OAS3: variants seen among roughly 807,000 people sequenced by gnomAD.
OAS3 encodes 2'-5'-oligoadenylate synthase 3.
Under a neutral mutation model 113.0 loss-of-function variants are expected in OAS3, and 107 were observed. That is an observed-to-expected ratio of 0.95 (90% confidence interval 0.81 to 1.11). The LOEUF is 1.11. OAS3 is among the 50% of genes most tolerant of loss of function. The probability of loss-of-function intolerance (pLI) is 0.00; values close to 1 mark genes in which losing one functional copy is unlikely to be tolerated. For missense variants in OAS3, 1,258 were observed against 1,389.1 expected (o/e 0.91, Z 1.50); for synonymous variants, 552 against 573.6 (o/e 0.96, Z 0.54).
At chr12:112,942,690 CTGAG>C (rs1281173704) in intron 2 of OAS3, among the ~76,000 whole-genome samples, 1 of 150,116 alleles carries the variant, frequency 6.7e-6, no homozygotes, top group African/African-American at 2.5e-5. Flanking sequence ...TACAATCTGT[CTGAG>C]TAAGACTCTT....
chr12:112,958,754 T>G (rs1233294236), intron 7 of OAS3, among the ~76,000 whole-genome samples: 2 of 152,386 alleles, frequency 1.3e-5, no homozygotes, highest in Admixed American at 1.3e-4. Flanking sequence ...AGTCGGCCCC[T>G]ACGGGGAAGT....
Position 112,941,729 on chromosome 12 carries a change from G to A in OAS3, c.337G>A (p.Val113Ile), listed in dbSNP as rs751675566. The change falls in exon 2 of 16, where the codon GTC (valine) becomes ATC (isoleucine). Residue 113 changes from valine to isoleucine, a missense_variant. By Grantham distance (29) the Val-to-Ile change is conservative (BLOSUM62 3). Coordinates refer to ENST00000228928, the MANE Select transcript of OAS3 (RefSeq NM_006187.4). The stretch of plus-strand genomic sequence containing the variant: ...GCTGGAATCCTGGTGGCAGAACCCA[G>A]TCCCTGGTCTGAGACTCACGTTTCC... ...ASLESWWQNPVPGLRLTFPEQ... is the reference protein window; with the variant it reads ...ASLESWWQNPIPGLRLTFPEQ... The A allele has an allele frequency of 1.2e-6, 2 of 1,614,048 alleles. No homozygotes were observed. Among genetic ancestry groups the A allele is most frequent in the Non-Finnish European group, 1.7e-6 (2 of 1,179,904 alleles).
intron 1 of OAS3, among the ~76,000 whole-genome samples, chr12:112,939,790 C>T (rs1276071703): frequency 6.6e-6 from 1 of 152,042 alleles, no homozygotes; most frequent in African/African-American, 2.4e-5. Context: ...TTGGGGGTGC[C>T]AGGAGTGGAT....
intron 4 of OAS3, among the ~76,000 whole-genome samples, chr12:112,947,456 A>G (rs2043743866): frequency 6.6e-6 from 1 of 152,196 alleles, no homozygotes; most frequent in Non-Finnish European, 1.5e-5. Context: ...TGTTCTCAAG[A>G]TTAAGTCTTT....
In OAS3 at chr12:112,941,760, A is replaced by G; in HGVS notation, c.368A>G (p.Gln123Arg). ...VPGLRLTFPE[Q>R]SVPGALQFRL... Reference sequence around the variant, plus strand: ...GGTCTGAGACTCACGTTTCCTGAGCAGAGCGTGCCTGGGGCCCTGCAGTTC... The same window carrying G: ...GGTCTGAGACTCACGTTTCCTGAGCGGAGCGTGCCTGGGGCCCTGCAGTTC... Residue 123 changes from glutamine (Q) to arginine (R), a missense_variant, in exon 2 of 16, where the codon CAG becomes CGG. By Grantham distance (43) the Gln-to-Arg change is conservative. Coordinates refer to ENST00000228928, the MANE Select transcript of OAS3 (RefSeq NM_006187.4). 6.2e-7 allele frequency: 1 copy of G among 1,614,064 alleles called. No homozygotes were observed. The highest frequency in any genetic ancestry group is 8.5e-7 in the Non-Finnish European group (1 of 1,179,900).
intron 7 of OAS3, among the ~76,000 whole-genome samples, chr12:112,960,516 GA>G (rs778625156): frequency 6.6e-6 from 1 of 152,156 alleles, no homozygotes; most frequent in South Asian, 2.1e-4. Flanking sequence ...TTTTCTGGAA[GA>G]TAACGTTAAT....
intron 1 of OAS3, among the ~76,000 whole-genome samples, chr12:112,940,875 C>A (rs1030212720): frequency 1.3e-5 from 2 of 152,042 alleles, no homozygotes; most frequent in African/African-American, 4.8e-5. Flanking sequence ...TGGTGGCGCA[C>A]ACCTGTAGTC....
chr12:112,950,598 G>A, intron 6 of OAS3, 95 bp from the exon 7 acceptor site: 1 of 1,438,520 alleles, frequency 7.0e-7, no homozygotes, highest in Non-Finnish European at 9.5e-7. Flanking sequence ...AAGAGGGCAG[G>A]TTCCAGGCTG....
chr12:112,947,628 A>G (rs577008342), intron 4 of OAS3, among the ~76,000 whole-genome samples: 1 of 152,258 alleles, frequency 6.6e-6, no homozygotes, highest in South Asian at 2.1e-4. Flanking sequence ...ATTCTTGGAC[A>G]TGTTTTTTTG....
At chr12:112,966,907 G>A (rs1298425521) in intron 12 of OAS3, among the ~76,000 whole-genome samples, 2 of 152,218 alleles carry the variant, frequency 1.3e-5, no homozygotes, top group African/African-American at 2.4e-5. Context: ...GCCTTCGAGA[G>A]TGCTGGGATT....
At chr12:112,944,042 C>G (rs555362389) in intron 2 of OAS3, among the ~76,000 whole-genome samples, 6 of 152,248 alleles carry the variant, frequency 3.9e-5, no homozygotes, top group Middle Eastern at 6.8e-3. Context: ...GGCTTTTTGC[C>G]TTTTATTTCT....
chr12:112,964,259 G>C lies in OAS3; in HGVS notation c.2254G>C (p.Ala752Pro). Reference sequence around the variant, plus strand: ...GCCAGCCCTCCTTTACCAAACCCCAGCTGGGGACCTTGACAAGTTCATCAG... The same window carrying C: ...GCCAGCCCTCCTTTACCAAACCCCACCTGGGGACCTTGACAAGTTCATCAG... ...VMPALLYQTP[A>P]GDLDKFISEF... The change falls in exon 11 of 16, where the codon GCT (alanine) becomes CCT (proline). Residue 752 changes from alanine to proline, a missense_variant. By Grantham distance (27) the Ala-to-Pro change is conservative. Transcript: ENST00000228928. 1.9e-6 allele frequency: 3 copies of C among 1,597,696 alleles called. No individual in the cohort carries two copies. The highest frequency in any genetic ancestry group is 2.6e-6 in the Non-Finnish European group (3 of 1,171,676).
intron 7 of OAS3, among the ~76,000 whole-genome samples, chr12:112,958,656 A>AGCAAATATTGCAGAACT (rs2043856269): frequency 6.6e-6 from 1 of 152,254 alleles, no homozygotes; most frequent in South Asian, 2.1e-4. Context: ...GCTGCAGAAC[A>AGCAAATATTGCAGAACT]GCAAATATTG....
intron 7 of OAS3, among the ~76,000 whole-genome samples, chr12:112,955,001 C>T (rs2043820946): frequency 6.6e-6 from 1 of 152,172 alleles, no homozygotes; most frequent in African/African-American, 2.4e-5. Flanking sequence ...TTTCACTGAG[C>T]AGTGGTTTGT....
chr12:112,961,236 G>A lies in OAS3; in HGVS notation c.1823G>A (p.Trp608Ter), dbSNP rs764571935. 3.1e-6 allele frequency: 5 copies of A among 1,613,798 alleles called. No individual in the cohort carries two copies. The East Asian group carries it at 1.1e-4, about 36-fold the overall frequency. The change falls in exon 8 of 16, where the codon TGG (tryptophan) becomes TAG (stop). Residue 608 changes from tryptophan (W) to a stop codon, truncating the protein, a stop_gained. Coordinates refer to ENST00000228928, the MANE Select transcript of OAS3 (RefSeq NM_006187.4). LOFTEE classifies it high-confidence loss of function. ...AACCTGATTCTGCTGGTGAAGCACTGGTACCGCCAGGTGAGTTGCCCCTGG... is the reference window on the plus strand; with the variant it reads ...AACCTGATTCTGCTGGTGAAGCACTAGTACCGCCAGGTGAGTTGCCCCTGG... ...LKNLILLVKHWYRQVAAQNKG... is the reference protein window; with the variant it reads ...LKNLILLVKH
At chr12:112,952,295 T>G (rs761346961) in intron 7 of OAS3, among the ~76,000 whole-genome samples, 45 of 152,348 alleles carry the variant, frequency 3.0e-4, no homozygotes, top group Admixed American at 3.3e-4. Flanking sequence ...AAGTTATCTT[T>G]GTCTTAAAGC....
intron 3 of OAS3, among the ~76,000 whole-genome samples, chr12:112,945,643 G>A (rs962985600): frequency 6.6e-6 from 1 of 152,228 alleles, no homozygotes; most frequent in African/African-American, 2.4e-5. Context: ...TCTCAAGGAA[G>A]AGATTCTGGA....
rs1274826561 is a variant in OAS3 at position 112,962,859 on chromosome 12, C to A, written c.2041C>A (p.Pro681Thr). Residue 681 changes from proline (P) to threonine (T), a missense_variant, in exon 9 of 16, where the codon CCA becomes ACA. By Grantham distance (38) the Pro-to-Thr change is conservative (BLOSUM62 -1). Transcript: ENST00000228928. Reference sequence around the variant, plus strand: ...GACGGTCAACTATAGCACTGAGGACCCAGCCATGAGAATGCACCTTCTTGG... The same window carrying A: ...GACGGTCAACTATAGCACTGAGGACACAGCCATGAGAATGCACCTTCTTGG... ...YWTVNYSTED[P>T]AMRMHLLGQL... 2 of 1,613,834 alleles carry A rather than the reference C, an allele frequency of 1.2e-6. No homozygotes were observed. The highest frequency in any genetic ancestry group is 2.2e-5 in the East Asian group (1 of 44,882).
intron 7 of OAS3, among the ~76,000 whole-genome samples, chr12:112,951,905 G>A (rs555791430): frequency 7.7e-4 from 116 of 151,564 alleles, no homozygotes; most frequent in African/African-American, 2.4e-3. Flanking sequence ...CCAGCTACTC[G>A]GGAGACTGAG....
Sources: allele counts gnomAD v4.1 joint callset (sites outside exome capture counted in the v4.1 genomes callset), GRCh38; gene constraint gnomAD v4.1.1; transcripts MANE v1.5; gene names NCBI Gene and HGNC (gene_info 2026-07-23, HGNC 2026-07-21).